The following CCDC83 variants were observed in gnomAD, a reference collection of about 807,000 sequenced individuals.
CCDC83 encodes the protein coiled-coil domain containing 83.
Under a neutral mutation model 50.1 loss-of-function variants are expected in CCDC83, and 54 were observed. The observed-to-expected ratio is 1.08, with a 90% CI of 0.87 to 1.35. CCDC83 has a LOEUF of 1.35. Ranked by LOEUF, CCDC83 falls within the 40% of genes most tolerant of loss-of-function variation. The pLI, the probability that CCDC83 is intolerant of heterozygous loss-of-function variation, is 0.00. For missense variants in CCDC83, 518 were observed against 473.9 expected (o/e 1.09, Z -0.86); for synonymous variants, 161 against 153.3 (o/e 1.05, Z -0.37).
At chr11:85,874,525 CAAGGAA>C (rs1385693529) in intron 3 of CCDC83, among the ~76,000 whole-genome samples, 1 of 152,204 alleles carries the variant, frequency 6.6e-6, no homozygotes, top group African/African-American at 2.4e-5. Context: ...CAGTGAGGAG[CAAGGAA>C]AGACAGATTC....
chr11:85,878,477 T>C (rs1181291969), intron 3 of CCDC83, among the ~76,000 whole-genome samples: 1 of 152,258 alleles, frequency 6.6e-6, no homozygotes, highest in Non-Finnish European at 1.5e-5. Context: ...TCAGCATAAC[T>C]CTCTGGAGGT....
Position 85,916,105 on chromosome 11 carries a change from C to T in CCDC83, c.952C>T (p.His318Tyr), listed in dbSNP as rs1164794871. Residue 318 changes from histidine to tyrosine, a missense_variant, in exon 10 of 11, where the codon CAT becomes TAT. Transcript: ENST00000342404. ...MSSSDESTIL[H>Y]LSHENSIEDL... ...CTCATCAGATGAGAGCACTATCTTA[C>T]ATCTTAGTCATGAAAATAGCATCGA... 7 of 1,613,008 alleles carry T rather than the reference C, an allele frequency of 4.3e-6. No individual in the cohort carries two copies. Among genetic ancestry groups the T allele is most frequent in the Non-Finnish European group, 5.9e-6 (7 of 1,179,214 alleles).
chr11:85,901,831 C>T lies in CCDC83; in HGVS notation c.672+2816C>T, dbSNP rs532529549. 1.1e-3 allele frequency among the ~76,000 whole-genome samples: 165 copies of T among 151,450 alleles called. 1 individual carries two copies. Among genetic ancestry groups the T allele is most frequent in the African/African-American group, 3.7e-3 (151 of 41,244 alleles). ...ATTGCTAGAGCCCAGGCATTCAAGA[C>T]CAGACTAGGCAACATAGCAAGATCC... On this transcript the variant is annotated intron_variant, in intron 7 of 10. Coordinates refer to ENST00000342404, the MANE Select transcript of CCDC83 (RefSeq NM_001286159.2).
chr11:85,909,865 A>T (rs1426741671), intron 7 of CCDC83, among the ~76,000 whole-genome samples: 1 of 152,142 alleles, frequency 6.6e-6, no homozygotes, highest in East Asian at 1.9e-4. Context: ...CAATTGATGT[A>T]CAAAAGTTAG....
At chr11:85,918,792 G>GT (rs2093494899) in intron 10 of CCDC83, among the ~76,000 whole-genome samples, 1 of 152,186 alleles carries the variant, frequency 6.6e-6, no homozygotes, top group Non-Finnish European at 1.5e-5. Flanking sequence ...TCATCCACAT[G>GT]TTGCAAGAGA....
chr11:85,919,116 T>A (rs1306818075), intron 10 of CCDC83, among the ~76,000 whole-genome samples: 1 of 152,250 alleles, frequency 6.6e-6, no homozygotes, highest in East Asian at 1.9e-4. Context: ...TGCCTGCTTT[T>A]GGAAGATCTT....
At chr11:85,871,978 C>T (rs1196162367) in intron 2 of CCDC83, among the ~76,000 whole-genome samples, 1 of 152,116 alleles carries the variant, frequency 6.6e-6, no homozygotes, top group Non-Finnish European at 1.5e-5. Flanking sequence ...TTTAAGACTG[C>T]ATCTCACTCT....
intron 2 of CCDC83, among the ~76,000 whole-genome samples, chr11:85,872,022 G>A (rs2153683337): frequency 6.6e-6 from 1 of 152,218 alleles, no homozygotes; most frequent in East Asian, 1.9e-4. Flanking sequence ...GCATGATCTT[G>A]GTTTGCTGCA....
intron 10 of CCDC83, among the ~76,000 whole-genome samples, chr11:85,917,167 A>AGAGAGAGAGAGAGG (rs1554986879): frequency 1.2e-5 from 1 of 86,912 alleles, no homozygotes; most frequent in African/African-American, 4.1e-5. Flanking sequence ...AGAGAGAGAG[A>AGAGAGAGAGAGAGG]GAAAGAAAGA....
chr11:85,861,652 C>T (rs769495359), intron 1 of CCDC83, among the ~76,000 whole-genome samples: 1 of 152,140 alleles, frequency 6.6e-6, no homozygotes. Context: ...CCAGCCTCCA[C>T]AGAATTAGGA....
At chr11:85,873,383 T>C (rs925238475) in intron 3 of CCDC83, 88 bp downstream of exon 3, 4 of 505,228 alleles carry the variant, frequency 7.9e-6, no homozygotes, top group Admixed American at 8.1e-5. Flanking sequence ...AAATATACTC[T>C]AGGAAATTAT....
chr11:85,875,964 G>C (rs1470882860), intron 3 of CCDC83, among the ~76,000 whole-genome samples: 6 of 152,120 alleles, frequency 3.9e-5, no homozygotes, highest in African/African-American at 1.4e-4. Flanking sequence ...CACCACAACT[G>C]CTCTAGCAAA....
intron 8 of CCDC83, among the ~76,000 whole-genome samples, chr11:85,913,330 C>T (rs1401224546): frequency 6.6e-6 from 1 of 152,108 alleles, no homozygotes; most frequent in African/African-American, 2.4e-5. Flanking sequence ...ATTGTAAACT[C>T]CTTGAGGCAA....
chr11:85,865,516 T>C (rs1698568867), intron 2 of CCDC83, among the ~76,000 whole-genome samples: 1 of 152,260 alleles, frequency 6.6e-6, no homozygotes, highest in South Asian at 2.1e-4. Context: ...TGTTTATTGG[T>C]TACTCTCACC....
At chr11:85,891,105 C>T (rs1015141648) in intron 5 of CCDC83, among the ~76,000 whole-genome samples, 5 of 152,200 alleles carry the variant, frequency 3.3e-5, no homozygotes, top group African/African-American at 1.2e-4. Context: ...CTGTCCCTCT[C>T]ATTGGCACCT....
At position 85,886,293 on chromosome 11, in the gene CCDC83, A is replaced by G. The variant is rs1420069482; in HGVS notation, c.437A>G (p.Glu146Gly). The G allele has an allele frequency of 8.1e-6, 13 of 1,611,042 alleles. No individual in the cohort carries two copies. Among genetic ancestry groups the G allele is most frequent in the Non-Finnish European group, 1.1e-5 (13 of 1,178,938 alleles). ...GAGGAGTACAAGAATGTAGGGAGTG[A>G]ACGACATGCTAAACTCATTACCTCC... ...YWEEYKNVGS[E>G]RHAKLITSLQ... is the part of the protein sequence containing the mutation. Residue 146 changes from glutamate (E) to glycine (G), a missense_variant, in exon 5 of 11, where the codon GAA (glutamate) becomes GGA (glycine). Coordinates refer to ENST00000342404, the MANE Select transcript of CCDC83 (RefSeq NM_001286159.2).
intron 5 of CCDC83, among the ~76,000 whole-genome samples, chr11:85,889,205 T>C (rs2093340413): frequency 6.6e-6 from 1 of 152,190 alleles, no homozygotes; most frequent in African/African-American, 2.4e-5. Flanking sequence ...ATACAAAAGT[T>C]AGCTGGGTGT....
chr11:85,869,492 G>C (rs1317651072), intron 2 of CCDC83, among the ~76,000 whole-genome samples: 3 of 152,122 alleles, frequency 2.0e-5, no homozygotes, highest in Non-Finnish European at 4.4e-5. Flanking sequence ...AAATTTATTT[G>C]TTTTCCTTCC....
At chr11:85,894,234 T>A (rs770423124) in intron 5 of CCDC83, among the ~76,000 whole-genome samples, 1 of 152,140 alleles carries the variant, frequency 6.6e-6, no homozygotes. Flanking sequence ...GTTAGTACAA[T>A]ACTGTTGTTT....
Sources: gnomAD v4.1 joint callset for allele counts (sites outside exome capture counted in the v4.1 genomes callset) on GRCh38, gnomAD v4.1.1 for gene constraint, MANE v1.5 for transcripts, NCBI Gene and HGNC (gene_info 2026-07-23, HGNC 2026-07-21) for gene names.